Variants in ASPSCR1 observed in about 807,000 individuals in gnomAD.
ASPSCR1 encodes ASPSCR1 tether for SLC2A4, UBX domain containing.
ASPSCR1 carries 55 observed loss-of-function variants against 68.9 expected under a neutral mutation model. The ratio of observed to expected loss-of-function variants is 0.80; its 90% CI spans 0.64 to 1.00. The LOEUF is 1.00. ASPSCR1 is among the 50% of genes least tolerant of loss of function. ASPSCR1 has a pLI of 0.00. For missense variants in ASPSCR1, 765 were observed against 762.2 expected (o/e 1.00, Z -0.04); for synonymous variants, 352 against 332.6 (o/e 1.06, Z -0.63).
intron 4 of ASPSCR1, among the ~76,000 whole-genome samples, chr17:81,989,932 C>T (rs529910329): frequency 7.9e-5 from 12 of 152,310 alleles, no homozygotes; most frequent in African/African-American, 1.2e-4. Flanking sequence ...GGATTACTGG[C>T]GCACGCCATC....
intron 12 of ASPSCR1, chr17:82,015,413 C>A: frequency 6.5e-7 from 1 of 1,539,112 alleles, no homozygotes; most frequent in South Asian, 1.2e-5. Flanking sequence ...AGCCCAGGTG[C>A]CCCAGGCCTG....
chr17:81,983,103 C>T lies in ASPSCR1; in HGVS notation c.159-451C>T, dbSNP rs555372324. On this transcript the variant is annotated intron_variant, in intron 2 of 15. Transcript: ENST00000306739. The surrounding 1 kb of genome is among the most constrained non-coding windows in gnomAD (Gnocchi z 4.4). ...CAGGTGATCCGCCTGCCTCGGCCTC[C>T]GAAAGTGCTGGGATTACAGGCGTGA... Among the ~76,000 whole-genome samples, 10 of 152,352 alleles carry T rather than the reference C, an allele frequency of 6.6e-5. No individual in the cohort carries two copies. The highest frequency in any genetic ancestry group is 1.0e-4 in the Non-Finnish European group (7 of 68,032).
intron 4 of ASPSCR1, 56 bp from the exon 5 acceptor site, chr17:81,994,765 G>T (rs1232854779): frequency 1.9e-6 from 3 of 1,563,770 alleles, no homozygotes; most frequent in South Asian, 2.2e-5. Flanking sequence ...CAGGGCCTCC[G>T]TGGCACTGGT....
rs943777566 is a variant in ASPSCR1, at chr17:81,983,686, G to A, written c.273+18G>A. ...AGAACATGGTGGGTCGTGCTCTGGG[G>A]GAGGCTGACTGTGTGGGGCACAGGA... On this transcript the variant is annotated intron_variant, in intron 3 of 15. Coordinates refer to ENST00000306739, the MANE Select transcript of ASPSCR1 (RefSeq NM_024083.4). The surrounding 1 kb of genome is among the most constrained non-coding windows in gnomAD (Gnocchi z 4.4). The A allele has an allele frequency of 6.3e-7, 1 of 1,586,110 alleles. No homozygotes were observed. The highest frequency in any genetic ancestry group is 1.3e-5 in the African/African-American group (1 of 74,308).
rs2041658313 is a variant in ASPSCR1, at chr17:81,977,898, C to A, written c.102+150C>A. The stretch of plus-strand genomic sequence containing the variant: ...GAGCGGCGGCCCCGCCCCCTGCTCG[C>A]CGTCACCTGCGCTTCCGCTGGGGTC... On this transcript the variant is annotated intron_variant, in intron 1 of 15. Coordinates refer to ENST00000306739, the MANE Select transcript of ASPSCR1 (RefSeq NM_024083.4). This position sits in a 1 kb window ranked among gnomAD's most constrained non-coding sequence, Gnocchi z 5.0. The A allele has an allele frequency of 2.0e-6, 1 of 490,456 alleles. No individual in the cohort carries two copies. The highest frequency in any genetic ancestry group is 3.0e-6 in the Non-Finnish European group (1 of 329,728). 30.4% of individuals were successfully genotyped at this position (490,456 alleles called of 1,614,324 possible).
chr17:82,012,353 C>T (rs1379795259), intron 12 of ASPSCR1, 70 bp downstream of exon 12: 1 of 1,529,824 alleles, frequency 6.5e-7, no homozygotes, highest in East Asian at 2.3e-5. Context: ...GAGCGTGAGG[C>T]CTCGGGCAGG....
chr17:81,994,917 T>C, intron 5 of ASPSCR1, 39 bp downstream of exon 5: 1 of 1,571,778 alleles, frequency 6.4e-7, no homozygotes, highest in Non-Finnish European at 8.7e-7. Flanking sequence ...CCCCGCTCAC[T>C]TTCAGCCCAC....
chr17:81,979,359 C>T (rs1023672306), intron 2 of ASPSCR1, 120 bp downstream of exon 2: 4 of 1,139,156 alleles, frequency 3.5e-6, no homozygotes, highest in African/African-American at 3.0e-5. Flanking sequence ...TATTCCCTCC[C>T]AACTCTGGAG....
intron 2 of ASPSCR1, among the ~76,000 whole-genome samples, chr17:81,980,567 A>G (rs1347976368): frequency 1.3e-5 from 2 of 152,132 alleles, no homozygotes; most frequent in African/African-American, 4.8e-5. Flanking sequence ...ATATGTTTGG[A>G]AAGGAGGGCT....
intron 4 of ASPSCR1, among the ~76,000 whole-genome samples, chr17:81,991,797 C>T (rs939450990): frequency 5.9e-5 from 9 of 152,246 alleles, no homozygotes; most frequent in Non-Finnish European, 8.8e-5. Flanking sequence ...CCCGGCAGGG[C>T]GCATGCTGCT....
Position 82,012,128 on chromosome 17 carries a change from C to G in ASPSCR1, c.1301-103C>G, listed in dbSNP as rs549704936. The G allele has an allele frequency of 2.2e-6, 3 of 1,350,768 alleles. No individual in the cohort carries two copies. The South Asian group carries it at 3.5e-5, about 16-fold the overall frequency. 83.7% of individuals were successfully genotyped at this position (1,350,768 alleles called of 1,614,324 possible). A position where few individuals can be genotyped will look rare whatever the true frequency, so the allele number is the denominator to read the frequency against. The stretch of plus-strand genomic sequence containing the variant: ...CGTGCTCGTGAGGGGCTCTTCTGCC[C>G]CACTTGAGGCGTCACCCCCATCTGC... On this transcript the variant is annotated intron_variant, in intron 11 of 15. Coordinates refer to ENST00000306739, the MANE Select transcript of ASPSCR1 (RefSeq NM_024083.4).
chr17:81,998,296 G>T (rs1373743645), intron 7 of ASPSCR1, among the ~76,000 whole-genome samples: 1 of 152,098 alleles, frequency 6.6e-6, no homozygotes, highest in Non-Finnish European at 1.5e-5. Flanking sequence ...ATAATATTGT[G>T]GATAGTATCA....
chr17:81,993,721 C>G (rs74402017), intron 4 of ASPSCR1, among the ~76,000 whole-genome samples: 2 of 152,276 alleles, frequency 1.3e-5, no homozygotes, highest in East Asian at 1.9e-4. Context: ...CAGTACCCCC[C>G]ATCCCGGAGG....
At chr17:81,998,163 GTC>G (rs1011345307) in intron 7 of ASPSCR1, among the ~76,000 whole-genome samples, 17 of 152,206 alleles carry the variant, frequency 1.1e-4, no homozygotes, top group Middle Eastern at 3.4e-3. Flanking sequence ...TAAAGACGAG[GTC>G]TCTCTCTGTT....
In ASPSCR1 at chr17:82,017,293, T is replaced by A; in HGVS notation, c.1649-16T>A. 1 of 1,611,232 alleles carries A rather than the reference T, an allele frequency of 6.2e-7. No individual in the cohort carries two copies. The highest frequency in any genetic ancestry group is 8.5e-7 in the Non-Finnish European group (1 of 1,179,888). On this transcript the variant is annotated splice_polypyrimidine_tract_variant and intron_variant, in intron 15 of 15. Coordinates refer to ENST00000306739, the MANE Select transcript of ASPSCR1 (RefSeq NM_024083.4). Reference sequence around the variant, plus strand: ...AGCCCGGGGTGTGTGGTCACCCTGATGTGTCTGCACTACAGCCAGCAAGAG... The same window carrying A: ...AGCCCGGGGTGTGTGGTCACCCTGAAGTGTCTGCACTACAGCCAGCAAGAG...
intron 4 of ASPSCR1, among the ~76,000 whole-genome samples, chr17:81,991,619 T>C (rs898856600): frequency 1.3e-5 from 2 of 152,178 alleles, no homozygotes; most frequent in African/African-American, 4.8e-5. Context: ...CTGTCCATCC[T>C]TGTCCATCCC....
In ASPSCR1 at chr17:81,992,122, G is replaced by T. The variant is rs573421076; in HGVS notation, c.375-2699G>T. 1.2e-3 allele frequency among the ~76,000 whole-genome samples: 190 copies of T among 152,358 alleles called. 1 individual carries two copies. The highest frequency in any genetic ancestry group is 4.4e-3 in the African/African-American group (185 of 41,588). The stretch of plus-strand genomic sequence containing the variant: ...CAGGCACCCGCGGAAGCGCCCCAAA[G>T]CACTTCTTGCATTTCTGGCTTCGGA... On this transcript the variant is annotated intron_variant, in intron 4 of 15. Coordinates refer to ENST00000306739, the MANE Select transcript of ASPSCR1 (RefSeq NM_024083.4).
chr17:82,002,072 A>G (rs1474421425), intron 7 of ASPSCR1, among the ~76,000 whole-genome samples: 1 of 133,380 alleles, frequency 7.5e-6, no homozygotes, highest in Non-Finnish European at 1.5e-5. Flanking sequence ...CAGGGGCACA[A>G]TTACGGCTCA....
intron 12 of ASPSCR1, chr17:82,012,877 G>A (rs190686546): frequency 1.9e-5 from 3 of 157,536 alleles, no homozygotes; most frequent in African/African-American, 7.2e-5. Flanking sequence ...CCGCCCTCCA[G>A]AGCCAGAAGC....
Sources: allele counts gnomAD v4.1 joint callset (sites outside exome capture counted in the v4.1 genomes callset), GRCh38; gene constraint gnomAD v4.1.1; non-coding constraint Gnocchi (gnomAD v3.1); transcripts MANE v1.5; gene names NCBI Gene and HGNC (gene_info 2026-07-23, HGNC 2026-07-21).